The following SPOCK3 variants were observed in gnomAD, a reference collection of about 807,000 sequenced individuals.
SPOCK3 encodes testican-3.
SPOCK3 carries 30 observed loss-of-function variants against 56.6 expected under a neutral mutation model. The observed-to-expected ratio is 0.53, with a 90% CI of 0.40 to 0.72. The LOEUF is 0.72. SPOCK3 is among the 30% of genes least tolerant of loss of function. SPOCK3 has a pLI of 0.00. For missense variants in SPOCK3, 527 were observed against 530.0 expected (o/e 0.99, Z 0.06); for synonymous variants, 196 against 183.3 (o/e 1.07, Z -0.56).
intron 4 of SPOCK3, among the ~76,000 whole-genome samples, chr4:166,957,013 G>A (rs1269675562): frequency 2.6e-5 from 4 of 152,168 alleles, no homozygotes; most frequent in African/African-American, 9.7e-5. Flanking sequence ...GAACAACTGG[G>A]GAGGCAGAGA....
chr4:167,045,784 G>A (rs1753656889), intron 3 of SPOCK3, among the ~76,000 whole-genome samples: 1 of 151,906 alleles, frequency 6.6e-6, no homozygotes, highest in African/African-American at 2.4e-5. Flanking sequence ...AGATATATAA[G>A]CATATCTACT....
chr4:167,046,081 G>T (rs1258298088), intron 3 of SPOCK3, among the ~76,000 whole-genome samples: 1 of 151,934 alleles, frequency 6.6e-6, no homozygotes, highest in Non-Finnish European at 1.5e-5. Context: ...GTACATCAGG[G>T]TATATTCTTC....
intron 4 of SPOCK3, among the ~76,000 whole-genome samples, chr4:166,961,553 G>GAAA (rs375687217): frequency 7.1e-6 from 1 of 141,536 alleles, no homozygotes; most frequent in South Asian, 2.2e-4. Flanking sequence ...AAGAAAAATT[G>GAAA]AAAAAAAAAA....
At chr4:166,777,871 A>G (rs1475702702) in intron 7 of SPOCK3, among the ~76,000 whole-genome samples, 1 of 152,202 alleles carries the variant, frequency 6.6e-6, no homozygotes, top group Non-Finnish European at 1.5e-5. Flanking sequence ...GAAGTAAATA[A>G]TGACTATTTT....
At chr4:167,041,297 G>A (rs10517919) in intron 3 of SPOCK3, among the ~76,000 whole-genome samples, 16,602 of 152,130 alleles carry the variant, frequency 0.11, 1,141 homozygotes, top group Middle Eastern at 0.21. Flanking sequence ...TTCTAATGGT[G>A]TGTAGTATGT....
At chr4:167,036,813 T>C (rs1358263686) in intron 3 of SPOCK3, among the ~76,000 whole-genome samples, 1 of 152,116 alleles carries the variant, frequency 6.6e-6, no homozygotes, top group Non-Finnish European at 1.5e-5. Flanking sequence ...AATATTTAGA[T>C]GGCTTAGCTG....
chr4:166,991,870 C>A (rs890927542), intron 4 of SPOCK3, among the ~76,000 whole-genome samples: 3 of 152,042 alleles, frequency 2.0e-5, no homozygotes, highest in African/African-American at 7.2e-5. Context: ...ACATAGCAAT[C>A]CAACAACTAC....
At chr4:167,006,692 C>T (rs1037133328) in intron 3 of SPOCK3, among the ~76,000 whole-genome samples, 2 of 152,140 alleles carry the variant, frequency 1.3e-5, no homozygotes, top group African/African-American at 2.4e-5. Context: ...AAAATACAGA[C>T]TTTTTGGGGA....
At chr4:166,807,842 C>T (rs1407098004) in intron 6 of SPOCK3, among the ~76,000 whole-genome samples, 1 of 152,074 alleles carries the variant, frequency 6.6e-6, no homozygotes, top group African/African-American at 2.4e-5. Flanking sequence ...ATAATATTTT[C>T]TCTGCTCCTA....
intron 2 of SPOCK3, among the ~76,000 whole-genome samples, chr4:167,092,743 G>A (rs1758808060): frequency 6.6e-6 from 1 of 152,084 alleles, no homozygotes; most frequent in Admixed American, 6.6e-5. Flanking sequence ...ATGCTGAGAA[G>A]CTGTAAAATG....
chr4:166,968,809 A>G lies in SPOCK3; in HGVS notation c.350+31540T>C, dbSNP rs568014846. Among the ~76,000 whole-genome samples, 95 of 152,316 alleles carry G rather than the reference A, an allele frequency of 6.2e-4. 3 individuals are homozygous for G. In the South Asian group the frequency reaches 0.017, roughly 28 times the overall value. ...TAGCGGACGTATGAGAACTGTGCCA[A>G]TTCTCCAGACTTCACAATGGTACAT... On this transcript the variant is annotated intron_variant, in intron 4 of 10. Coordinates refer to ENST00000357545, the MANE Select transcript of SPOCK3 (RefSeq NM_001040159.2).
chr4:167,163,445 C>T (rs1765496564), intron 2 of SPOCK3, among the ~76,000 whole-genome samples: 1 of 151,810 alleles, frequency 6.6e-6, no homozygotes, highest in African/African-American at 2.4e-5. Context: ...TGTTATAAAC[C>T]ACTTATACTC....
intron 3 of SPOCK3, among the ~76,000 whole-genome samples, chr4:167,043,387 A>G (rs7660567): frequency 3.3e-5 from 5 of 152,112 alleles, no homozygotes; most frequent in African/African-American, 2.4e-5. Context: ...TTCTACATCA[A>G]TGACACCAGG....
At chr4:166,876,166 T>C (rs1369464739) in intron 6 of SPOCK3, among the ~76,000 whole-genome samples, 2 of 152,182 alleles carry the variant, frequency 1.3e-5, no homozygotes, top group African/African-American at 2.4e-5. Flanking sequence ...GGCTTTGTTA[T>C]AGCCTAATTC....
chr4:166,891,282 G>T (rs1265842230), intron 5 of SPOCK3, among the ~76,000 whole-genome samples: 2 of 152,098 alleles, frequency 1.3e-5, no homozygotes, highest in Admixed American at 6.6e-5. Flanking sequence ...ATTAAATAGG[G>T]TAGACTTTCT....
intron 7 of SPOCK3, among the ~76,000 whole-genome samples, chr4:166,781,337 A>C (rs893697224): frequency 3.3e-5 from 5 of 152,138 alleles, no homozygotes; most frequent in African/African-American, 9.7e-5. Context: ...TTGCATTAAA[A>C]CTAGAGATGG....
chr4:166,794,210 C>G (rs376701637), intron 6 of SPOCK3, among the ~76,000 whole-genome samples: 1 of 73,606 alleles, frequency 1.4e-5, no homozygotes, highest in Non-Finnish European at 2.5e-5. Context: ...GGTGATAAGG[C>G]AAAAAAAAAA....
intron 2 of SPOCK3, among the ~76,000 whole-genome samples, chr4:167,112,051 C>A (rs998375959): frequency 2.0e-5 from 3 of 152,076 alleles, no homozygotes; most frequent in Admixed American, 2.0e-4. Flanking sequence ...TGAGCCAACA[C>A]CCCCAGCCTC....
chr4:167,026,023 G>A (rs1751668724), intron 3 of SPOCK3, among the ~76,000 whole-genome samples: 1 of 152,066 alleles, frequency 6.6e-6, no homozygotes. Context: ...CATAGAAAAG[G>A]TGATTATGTC....
Sources: allele counts gnomAD v4.1 joint callset (sites outside exome capture counted in the v4.1 genomes callset), GRCh38; gene constraint gnomAD v4.1.1; transcripts MANE v1.5; gene names NCBI Gene and HGNC (gene_info 2026-07-23, HGNC 2026-07-21).